The following PDE8B variants were observed in gnomAD, a reference collection of about 807,000 sequenced individuals.
PDE8B encodes phosphodiesterase 8B.
PDE8B carries 26 observed loss-of-function variants against 101.3 expected under a neutral mutation model. The ratio of observed to expected loss-of-function variants is 0.26; its 90% CI spans 0.19 to 0.36. PDE8B has a LOEUF of 0.36. PDE8B is among the 10% of genes least tolerant of loss of function. The pLI is 1.00. For synonymous variants in PDE8B, 424 were observed against 429.3 expected, an observed-to-expected ratio of 0.99 and a Z score of 0.15; for missense variants, 810 against 1,163.1, an observed-to-expected ratio of 0.70 and a Z score of 4.42.
At chr5:77,350,606 G>A (rs188399459) in intron 8 of PDE8B, among the ~76,000 whole-genome samples, 1 of 151,980 alleles carries the variant, frequency 6.6e-6, no homozygotes, top group East Asian at 1.9e-4. Flanking sequence ...GGAAGATGAT[G>A]GGCTTCAGCG....
intron 10 of PDE8B, among the ~76,000 whole-genome samples, chr5:77,383,161 T>C (rs1787848858): frequency 6.6e-6 from 1 of 152,234 alleles, no homozygotes; most frequent in African/African-American, 2.4e-5. Flanking sequence ...CTCATTGTGG[T>C]TTTTATTTGC....
intron 2 of PDE8B, among the ~76,000 whole-genome samples, chr5:77,324,952 C>T (rs1478407834): frequency 2.0e-5 from 3 of 152,142 alleles, no homozygotes; most frequent in Non-Finnish European, 4.4e-5. Context: ...GAATGGGCAC[C>T]TTCTCTGTTC....
At chr5:77,127,760 G>A in the PDE8B span, among the ~76,000 whole-genome samples, 1 of 152,184 alleles carries the variant, frequency 6.6e-6, no homozygotes, top group Admixed American at 6.5e-5. Context: ...TCCCCAGCAA[G>A]GAGAAGAAGG....
chr5:77,329,737 G>A (rs942816945), intron 4 of PDE8B, among the ~76,000 whole-genome samples: 1 of 152,232 alleles, frequency 6.6e-6, no homozygotes, highest in African/African-American at 2.4e-5. Context: ...AAAATTTGTT[G>A]TAGTCTTTTA....
intron 1 of PDE8B, among the ~76,000 whole-genome samples, chr5:77,258,242 T>C (rs1759608351): frequency 7.1e-6 from 1 of 141,826 alleles, no homozygotes; most frequent in African/African-American, 2.7e-5. Context: ...TGAGCCGAGA[T>C]TGCATCACTG....
chr5:77,416,083 C>G (rs1161360779), intron 17 of PDE8B, among the ~76,000 whole-genome samples: 4 of 152,166 alleles, frequency 2.6e-5, no homozygotes, highest in Non-Finnish European at 5.9e-5. Context: ...GTGAGCTAGC[C>G]TGTCTTCCTT....
the PDE8B span, chr5:77,092,524 T>G: frequency 6.6e-6 from 1 of 152,282 alleles, no homozygotes; most frequent in African/African-American, 2.4e-5. Context: ...GCCCTGGAAG[T>G]TGGCAAAAAG....
chr5:77,282,497 A>G (rs1765207392), intron 1 of PDE8B, among the ~76,000 whole-genome samples: 1 of 152,080 alleles, frequency 6.6e-6, no homozygotes, highest in African/African-American at 2.4e-5. Context: ...TATGTCATTA[A>G]ACATTCCTGG....
intron 1 of PDE8B, among the ~76,000 whole-genome samples, chr5:77,295,936 A>G (rs185678525): frequency 6.6e-6 from 1 of 152,312 alleles, no homozygotes; most frequent in Non-Finnish European, 1.5e-5. Flanking sequence ...TTTGATAAAC[A>G]GTGAGAATAT....
intron 3 of PDE8B, among the ~76,000 whole-genome samples, chr5:77,328,156 A>T (rs561234194): frequency 6.6e-6 from 1 of 152,312 alleles, no homozygotes; most frequent in African/African-American, 2.4e-5. Context: ...GACCAAGAGA[A>T]TAGGTCAAAG....
intron 10 of PDE8B, among the ~76,000 whole-genome samples, chr5:77,359,211 A>T (rs935245993): frequency 1.3e-5 from 2 of 152,132 alleles, no homozygotes; most frequent in African/African-American, 4.8e-5. Context: ...GACTTAGAGG[A>T]GGGAGAGACA....
At chr5:77,194,993 T>A in the PDE8B span, among the ~76,000 whole-genome samples, 2 of 152,352 alleles carry the variant, frequency 1.3e-5, no homozygotes, top group African/African-American at 4.8e-5. Context: ...TAACTCTCTT[T>A]ACCTTTTAGG....
intron 14 of PDE8B, 84 bp downstream of exon 14, chr5:77,409,141 G>GTT (rs1794057276): frequency 2.6e-6 from 3 of 1,156,082 alleles, no homozygotes; most frequent in Non-Finnish European, 3.9e-6. Context: ...GTTACCTGTG[G>GTT]TTGCAGAAGT....
chr5:77,323,233 GT>G (rs1239081931), intron 2 of PDE8B, among the ~76,000 whole-genome samples: 1 of 152,192 alleles, frequency 6.6e-6, no homozygotes, highest in East Asian at 1.9e-4. Context: ...AATCCACAAG[GT>G]TGTGTCCTTC....
At chr5:77,230,473 C>G (rs959923643) in intron 1 of PDE8B, among the ~76,000 whole-genome samples, 15 of 152,180 alleles carry the variant, frequency 9.9e-5, no homozygotes, top group African/African-American at 3.4e-4. Flanking sequence ...TAAATTTATT[C>G]TATTTTATTT....
chr5:77,307,495 A>G (rs1580932427), intron 1 of PDE8B, among the ~76,000 whole-genome samples: 1 of 152,310 alleles, frequency 6.6e-6, no homozygotes, highest in South Asian at 2.1e-4. Context: ...CTCTGAATGA[A>G]ATGATGTATT....
At chr5:77,212,641 A>G (rs1748730154) in intron 1 of PDE8B, among the ~76,000 whole-genome samples, 1 of 152,202 alleles carries the variant, frequency 6.6e-6, no homozygotes, top group South Asian at 2.1e-4. Flanking sequence ...TTAGCATAGC[A>G]TGTCTGAAGA....
At position 77,211,501 on chromosome 5, in the gene PDE8B, CG is replaced by C. The variant is rs1418276398; in HGVS notation, c.339+241del. Among the ~76,000 whole-genome samples the C allele has an allele frequency of 6.6e-6, 1 of 152,048 alleles. No homozygotes were observed. Among genetic ancestry groups the C allele is most frequent in the Non-Finnish European group, 1.5e-5 (1 of 67,996 alleles). On this transcript the variant is annotated intron_variant, in intron 1 of 21. Coordinates refer to ENST00000264917, the MANE Select transcript of PDE8B (RefSeq NM_003719.5). This position sits in a 1 kb window ranked among gnomAD's most constrained non-coding sequence, Gnocchi z 4.1. ...CCTTAGCTGGTCCTGGGGGACTGGG[CG>C]GGGAAGGGAGCGCAGAAGGAAGCAG...
intron 10 of PDE8B, among the ~76,000 whole-genome samples, chr5:77,383,976 T>A (rs1476982033): frequency 6.6e-6 from 1 of 152,216 alleles, no homozygotes; most frequent in Non-Finnish European, 1.5e-5. Flanking sequence ...TCTTTTTTGG[T>A]TCCATTTGAA....
Sources: gnomAD v4.1 joint callset for allele counts (sites outside exome capture counted in the v4.1 genomes callset) on GRCh38, gnomAD v4.1.1 for gene constraint, Gnocchi (gnomAD v3.1) non-coding constraint, MANE v1.5 for transcripts, NCBI Gene and HGNC (gene_info 2026-07-23, HGNC 2026-07-21) for gene names.